The following RGS17 variants were observed in gnomAD, a reference collection of about 807,000 sequenced individuals.
RGS17 encodes the protein regulator of G-protein signaling 17.
A neutral mutation model predicts 25.5 loss-of-function variants in RGS17; 12 were observed. The ratio of observed to expected loss-of-function variants is 0.47; its 90% CI spans 0.30 to 0.76. The LOEUF is 0.76. Among genes scored for constraint, RGS17 ranks in the 30% least tolerant of loss-of-function variants. The pLI is 0.07. For synonymous variants in RGS17, 71 were observed against 76.9 expected (o/e 0.92, Z 0.40); for missense variants, 196 against 242.2 (o/e 0.81, Z 1.27).
chr6:153,030,970 A>C (rs1011226164), intron 2 of RGS17, among the ~76,000 whole-genome samples: 6 of 152,192 alleles, frequency 3.9e-5, no homozygotes, highest in African/African-American at 1.4e-4. Context: ...GAAGACGTAA[A>C]GATTAAATTG....
intron 1 of RGS17, among the ~76,000 whole-genome samples, chr6:153,100,424 C>A (rs1777282857): frequency 6.6e-6 from 1 of 152,066 alleles, no homozygotes; most frequent in African/African-American, 2.4e-5. Flanking sequence ...AATTAGAATT[C>A]ATACAGCAAA....
intron 1 of RGS17, among the ~76,000 whole-genome samples, chr6:153,121,199 C>G (rs934749653): frequency 6.6e-6 from 1 of 152,102 alleles, no homozygotes; most frequent in Admixed American, 6.5e-5. Context: ...ACTTGGAAAT[C>G]TAATGCAAAC....
intron 1 of RGS17, among the ~76,000 whole-genome samples, chr6:153,058,331 G>A (rs1418657045): frequency 6.6e-6 from 1 of 152,148 alleles, no homozygotes. Context: ...TAAAGTTTTT[G>A]TATCCATTGG....
chr6:153,030,657 G>A (rs1374036965), intron 2 of RGS17, among the ~76,000 whole-genome samples: 1 of 152,130 alleles, frequency 6.6e-6, no homozygotes, highest in Non-Finnish European at 1.5e-5. Context: ...TTCAGGCTCT[G>A]AAAATGAATT....
intron 2 of RGS17, among the ~76,000 whole-genome samples, chr6:153,034,546 G>T (rs1776215273): frequency 6.6e-6 from 1 of 152,204 alleles, no homozygotes; most frequent in Non-Finnish European, 1.5e-5. Context: ...GCAGGGATTT[G>T]TGTACATGAC....
chr6:153,102,178 G>A (rs936001461), intron 1 of RGS17, among the ~76,000 whole-genome samples: 11 of 152,218 alleles, frequency 7.2e-5, no homozygotes, highest in African/African-American at 2.7e-4. Flanking sequence ...GATGCTCTGA[G>A]AGAGTCTGAT....
chr6:153,029,151 A>C (rs1397639292), intron 2 of RGS17, among the ~76,000 whole-genome samples: 1 of 152,238 alleles, frequency 6.6e-6, no homozygotes, highest in Non-Finnish European at 1.5e-5. Context: ...CTTACAACAG[A>C]CATTCAGTAA....
chr6:153,019,198 A>G (rs538458361), intron 4 of RGS17, among the ~76,000 whole-genome samples: 1 of 152,354 alleles, frequency 6.6e-6, no homozygotes, highest in South Asian at 2.1e-4. Flanking sequence ...GCGAGCTGCT[A>G]AGTGGCTCAC....
At chr6:153,107,668 A>G (rs1777405483) in intron 1 of RGS17, among the ~76,000 whole-genome samples, 1 of 152,194 alleles carries the variant, frequency 6.6e-6, no homozygotes, top group Admixed American at 6.5e-5. Context: ...TAATATTTAA[A>G]AGTCTTAGCT....
chr6:153,024,136 G>A (rs780549639), intron 4 of RGS17, 126 bp downstream of exon 4: 3 of 636,264 alleles, frequency 4.7e-6, no homozygotes, highest in African/African-American at 1.8e-5. Flanking sequence ...AACAGAAGCT[G>A]AATTATCTAC....
intron 1 of RGS17, among the ~76,000 whole-genome samples, chr6:153,070,250 T>G (rs1282141982): frequency 6.6e-6 from 1 of 152,016 alleles, no homozygotes; most frequent in Non-Finnish European, 1.5e-5. Context: ...TGGGGAAGTA[T>G]GATGATTCTC....
chr6:153,028,460 T>C (rs1277364897), intron 2 of RGS17, among the ~76,000 whole-genome samples: 1 of 152,134 alleles, frequency 6.6e-6, no homozygotes. Context: ...GTGTCTGAGG[T>C]TTGAGATAGC....
intron 2 of RGS17, among the ~76,000 whole-genome samples, chr6:153,039,310 T>C (rs1233782475): frequency 2.0e-5 from 3 of 151,648 alleles, no homozygotes; most frequent in Non-Finnish European, 4.4e-5. Flanking sequence ...AACGTTGCTG[T>C]TGTTGTTGTT....
chr6:153,091,014 A>G (rs1777123421), intron 1 of RGS17, among the ~76,000 whole-genome samples: 1 of 152,264 alleles, frequency 6.6e-6, no homozygotes, highest in African/African-American at 2.4e-5. Context: ...TTTAAAAATA[A>G]TAAATCAATG....
intron 1 of RGS17, among the ~76,000 whole-genome samples, chr6:153,107,159 C>T (rs890107306): frequency 6.6e-6 from 1 of 150,938 alleles, no homozygotes; most frequent in Non-Finnish European, 1.5e-5. Flanking sequence ...ATGGTGAAAC[C>T]CCATCTCTAC....
chr6:153,022,113 C>A (rs1220296777), intron 4 of RGS17, among the ~76,000 whole-genome samples: 1 of 152,084 alleles, frequency 6.6e-6, no homozygotes, highest in Non-Finnish European at 1.5e-5. Context: ...GCGGCTGAGG[C>A]AGGAGATTCG....
chr6:153,032,385 G>A (rs781264604), intron 2 of RGS17, among the ~76,000 whole-genome samples: 14 of 152,152 alleles, frequency 9.2e-5, no homozygotes, highest in East Asian at 1.9e-4. Context: ...ATCATGTGCC[G>A]TGTGTCATGA....
At chr6:153,023,276 G>A (rs1247910289) in intron 4 of RGS17, 1 of 387,220 alleles carries the variant, frequency 2.6e-6, no homozygotes, top group Admixed American at 2.5e-5. Context: ...TAAATGTTCA[G>A]GTGCACAAGA....
In RGS17 at chr6:153,063,555, G is replaced by T. The variant is rs555207327; in HGVS notation, c.-25-19512C>A. The stretch of plus-strand genomic sequence containing the variant: ...CAGTCAGAGGAGAAAAAAGAAAAAA[G>T]AATAAAAAACAATGAAGCATGCCTA... On this transcript the variant is annotated intron_variant, in intron 1 of 4. Coordinates refer to ENST00000206262, the MANE Select transcript of RGS17 (RefSeq NM_012419.5). 1.7e-4 allele frequency among the ~76,000 whole-genome samples: 26 copies of T among 152,042 alleles called. No homozygotes were observed. In the South Asian group the frequency reaches 4.2e-3, roughly 24 times the overall value.
Sources: gnomAD v4.1 joint callset for allele counts (sites outside exome capture counted in the v4.1 genomes callset) on GRCh38, gnomAD v4.1.1 for gene constraint, MANE v1.5 for transcripts, NCBI Gene and HGNC (gene_info 2026-07-23, HGNC 2026-07-21) for gene names.